Variants in KANSL1 observed in about 807,000 individuals in gnomAD.
KANSL1 encodes KAT8 regulatory NSL complex subunit 1.
A neutral mutation model predicts 103.6 loss-of-function variants in KANSL1; 22 were observed. The ratio of observed to expected loss-of-function variants is 0.21; its 90% CI spans 0.15 to 0.30. The LOEUF is 0.30. KANSL1 is among the 10% of genes least tolerant of loss of function. The pLI is 1.00. For missense variants in KANSL1, 1,337 were observed against 1,399.8 expected, an observed-to-expected ratio of 0.96 and a Z score of 0.72; for synonymous variants, 600 against 527.6, an observed-to-expected ratio of 1.14 and a Z score of -1.88.
intron 2 of KANSL1, among the ~76,000 whole-genome samples, chr17:46,157,308 G>A (rs1321705368): frequency 6.6e-6 from 1 of 152,170 alleles, no homozygotes; most frequent in Admixed American, 6.5e-5. Context: ...AAACACCCAA[G>A]AGCAATTCTG....
chr17:46,159,003 G>A (rs1028240048), intron 2 of KANSL1, among the ~76,000 whole-genome samples: 2 of 152,084 alleles, frequency 1.3e-5, no homozygotes, highest in African/African-American at 2.4e-5. Context: ...ACTGCAATAA[G>A]TGAACACAAC....
At chr17:46,112,410 A>C (rs1008701611) in intron 2 of KANSL1, among the ~76,000 whole-genome samples, 2 of 136,856 alleles carry the variant, frequency 1.5e-5, no homozygotes, top group Non-Finnish European at 3.1e-5. Context: ...CCAGACCGGG[A>C]GTGGTGGCTC....
At chr17:46,047,637 G>A (rs1480732901) in intron 7 of KANSL1, among the ~76,000 whole-genome samples, 1 of 151,844 alleles carries the variant, frequency 6.6e-6, no homozygotes, top group African/African-American at 2.4e-5. Context: ...CGGGAGGCGG[G>A]GAAGCAGGTT....
intron 2 of KANSL1, among the ~76,000 whole-genome samples, chr17:46,106,358 T>A (rs990131381): frequency 6.6e-6 from 1 of 152,220 alleles, no homozygotes; most frequent in African/African-American, 2.4e-5. Flanking sequence ...AGCCTCTTAG[T>A]TATTATGTAA....
intron 4 of KANSL1, among the ~76,000 whole-genome samples, chr17:46,070,275 G>A (rs1029378098): frequency 1.3e-5 from 2 of 151,932 alleles, no homozygotes; most frequent in African/African-American, 4.8e-5. Context: ...AATCATAAAG[G>A]ATATTTCTTC....
At position 46,031,398 on chromosome 17, in the gene KANSL1, G is replaced by A; in HGVS notation, c.*78C>T. 1 of 1,332,084 alleles carries A rather than the reference G, an allele frequency of 7.5e-7. No individual in the cohort carries two copies. Among genetic ancestry groups the A allele is most frequent in the Non-Finnish European group, 1.0e-6 (1 of 975,460 alleles). 82.5% of individuals were successfully genotyped at this position (1,332,084 alleles called of 1,614,324 possible). A position where few individuals can be genotyped will look rare whatever the true frequency, so the allele number is the denominator to read the frequency against. ...ACTGTGAAAATTTCCGGCATATGAT[G>A]TTTGAATATCAAACGCAGAGATTTC... On this transcript the variant is annotated 3_prime_UTR_variant, in exon 15 of 15. Coordinates refer to ENST00000432791, the MANE Select transcript of KANSL1 (RefSeq NM_015443.4).
intron 2 of KANSL1, among the ~76,000 whole-genome samples, chr17:46,135,265 G>C (rs1227433677): frequency 1.7e-5 from 2 of 115,702 alleles, no homozygotes; most frequent in Non-Finnish European, 4.0e-5. Flanking sequence ...GGGTGGTCTA[G>C]ATAAAAAAAA....
intron 2 of KANSL1, among the ~76,000 whole-genome samples, chr17:46,103,940 A>G (rs1320584597): frequency 6.6e-6 from 1 of 152,216 alleles, no homozygotes; most frequent in African/African-American, 2.4e-5. Context: ...AGGCAGGAGA[A>G]TTGCTTGAAC....
chr17:46,093,553 A>G (rs2079499724), intron 3 of KANSL1: 1 of 152,620 alleles, frequency 6.6e-6, no homozygotes, highest in Non-Finnish European at 1.5e-5. Context: ...TTTTAGAATA[A>G]AAGTTTAAAT....
At chr17:46,183,562 GGAGGAGAGAGGAGA>G (rs369462772) in intron 1 of KANSL1, among the ~76,000 whole-genome samples, 153 of 111,762 alleles carry the variant, frequency 1.4e-3, no homozygotes, top group Non-Finnish European at 2.5e-3. Flanking sequence ...AGAGGAGAGG[GGAGGAGAGAGGAGA>G]GAGGAGAGAG....
chr17:46,058,741 ACACTCTCTCTCT>A (rs1555742045), intron 6 of KANSL1, among the ~76,000 whole-genome samples: 3,455 of 73,012 alleles, frequency 0.047, 70 homozygotes, highest in African/African-American at 0.14. Context: ...ACACACACAC[ACACTCTCTCTCT>A]CTCTCTCTCT....
intron 1 of KANSL1, among the ~76,000 whole-genome samples, chr17:46,210,388 G>A (rs1405340975): frequency 2.0e-5 from 3 of 150,856 alleles, no homozygotes; most frequent in East Asian, 1.9e-4. Flanking sequence ...CAGGAGAAAC[G>A]CTTGAACCCG....
At chr17:46,077,331 G>A (rs2078815016) in intron 4 of KANSL1, among the ~76,000 whole-genome samples, 1 of 152,172 alleles carries the variant, frequency 6.6e-6, no homozygotes, top group African/African-American at 2.4e-5. Flanking sequence ...GGGATTACAG[G>A]CATGAGCCAC....
intron 2 of KANSL1, among the ~76,000 whole-genome samples, chr17:46,168,820 T>A (rs1321003874): frequency 6.6e-6 from 1 of 152,238 alleles, no homozygotes; most frequent in Non-Finnish European, 1.5e-5. Flanking sequence ...TGGCTGTTCT[T>A]ATACACTTCA....
chr17:46,182,375 G>A (rs963546271), intron 1 of KANSL1, among the ~76,000 whole-genome samples: 5 of 152,214 alleles, frequency 3.3e-5, no homozygotes, highest in African/African-American at 4.8e-5. Flanking sequence ...TTGTGATGAA[G>A]TACTGCAAGC....
intron 2 of KANSL1, among the ~76,000 whole-genome samples, chr17:46,108,069 A>ATCG: frequency 6.6e-6 from 1 of 152,056 alleles, no homozygotes; most frequent in Non-Finnish European, 1.5e-5. Flanking sequence ...GGATATTATC[A>ATCG]TGAACATAGC....
upstream of KANSL1, chr17:46,196,222 A>G (rs893093997): frequency 9.3e-6 from 4 of 430,694 alleles, no homozygotes; most frequent in African/African-American, 8.2e-5. Flanking sequence ...TGGGCAACAG[A>G]GCGAGACCAT....
chr17:46,144,424 A>C, intron 2 of KANSL1, among the ~76,000 whole-genome samples: 1 of 152,278 alleles, frequency 6.6e-6, no homozygotes, highest in East Asian at 1.9e-4. Flanking sequence ...CAGAAAGTTG[A>C]ATCAACTCTG....
intron 2 of KANSL1, among the ~76,000 whole-genome samples, chr17:46,138,862 T>C (rs1168958125): frequency 6.6e-6 from 1 of 152,216 alleles, no homozygotes. Context: ...TTAGGAGAAG[T>C]CATGAAGTAA....
Sources: gnomAD v4.1 joint callset for allele counts (sites outside exome capture counted in the v4.1 genomes callset) on GRCh38, gnomAD v4.1.1 for gene constraint, MANE v1.5 for transcripts, NCBI Gene and HGNC (gene_info 2026-07-23, HGNC 2026-07-21) for gene names.